The following KBTBD8 variants were observed in gnomAD, a reference collection of about 807,000 sequenced individuals.
The protein encoded by KBTBD8 is kelch repeat and BTB domain containing 8.
Under a neutral mutation model 53.5 loss-of-function variants are expected in KBTBD8, and 31 were observed. That is an observed-to-expected ratio of 0.58 (90% CI 0.44 to 0.78). The LOEUF (loss-of-function observed/expected upper bound fraction) is 0.78, where lower values mean the gene tolerates loss of function less well. Ranked by LOEUF, KBTBD8 falls within the 30% of genes least tolerant of loss-of-function variation. The pLI is 0.00. For missense variants in KBTBD8, 642 were observed against 735.8 expected (o/e 0.87, Z 1.48); for synonymous variants, 250 against 247.3 (o/e 1.01, Z -0.10).
intron 2 of KBTBD8, 83 bp downstream of exon 2, chr3:66,999,274 G>T: frequency 9.5e-7 from 1 of 1,056,930 alleles, no homozygotes; most frequent in Non-Finnish European, 1.5e-6. Flanking sequence ...TGTTTATATT[G>T]AGATGCGATA....
At chr3:66,998,848 C>A in intron 1 of KBTBD8, 133 bp from the exon 2 acceptor site, 1 of 696,128 alleles carries the variant, frequency 1.4e-6, no homozygotes, top group Non-Finnish European at 2.5e-6. Context: ...CGAGGTCGTG[C>A]GTATATCCAC....
intron 1 of KBTBD8, among the ~76,000 whole-genome samples, chr3:66,998,639 G>C (rs949466291): frequency 6.6e-6 from 1 of 152,122 alleles, no homozygotes; most frequent in East Asian, 1.9e-4. Flanking sequence ...GGCCGCCGTT[G>C]TTCGAGCTTC....
intron 2 of KBTBD8, among the ~76,000 whole-genome samples, chr3:67,001,418 A>G (rs1340042157): frequency 6.6e-6 from 1 of 152,206 alleles, no homozygotes; most frequent in East Asian, 1.9e-4. Context: ...TGTGTGAGGA[A>G]GTGCCCTGGC....
chr3:67,003,892 A>G lies in KBTBD8; in HGVS notation c.925A>G (p.Ile309Val). 1 of 1,614,178 alleles carries G rather than the reference A, an allele frequency of 6.2e-7. No homozygotes were observed. The change falls in exon 3 of 4, where the codon ATA becomes GTA. Residue 309 changes from isoleucine (I) to valine (V), a missense_variant. Ile to Val is a conservative substitution (Grantham distance 29). Transcript: ENST00000417314. ...GKKQTVPCLD[I>V]VTGRVFKLCK... The stretch of plus-strand genomic sequence containing the variant: ...GAAGCAAACAGTGCCTTGTCTAGAT[A>G]TAGTCACAGGAAGGGTGTTTAAACT...
At chr3:67,002,792 C>T (rs1417765708) in intron 2 of KBTBD8, among the ~76,000 whole-genome samples, 2 of 152,082 alleles carry the variant, frequency 1.3e-5, no homozygotes, top group African/African-American at 4.8e-5. Flanking sequence ...TGAGCCACCA[C>T]ACCGGGCCAG....
At chr3:67,000,974 T>G (rs1356891554) in intron 2 of KBTBD8, among the ~76,000 whole-genome samples, 1 of 152,072 alleles carries the variant, frequency 6.6e-6, no homozygotes, top group African/African-American at 2.4e-5. Flanking sequence ...CACCTTGCAG[T>G]TTCATTTTTT....
chr3:67,005,166 T>C (rs1702054468), intron 3 of KBTBD8, among the ~76,000 whole-genome samples: 1 of 152,204 alleles, frequency 6.6e-6, no homozygotes, highest in Non-Finnish European at 1.5e-5. Context: ...TTTAGTTGCT[T>C]GAATGTTTAA....
chr3:66,998,315 A>G lies in KBTBD8; in HGVS notation c.-41A>G. 7.8e-7 allele frequency: 1 copy of G among 1,287,596 alleles called. No homozygotes were observed. Among genetic ancestry groups the G allele is most frequent in the Non-Finnish European group, 9.9e-7 (1 of 1,008,650 alleles). 79.8% of individuals were successfully genotyped at this position (1,287,596 alleles called of 1,614,324 possible). Reference sequence around the variant, plus strand: ...CCGGGAGCTAGAGAAGCGAAATGACATTTCCTTTTTAAATAGCTGGAGTCG... The same window carrying G: ...CCGGGAGCTAGAGAAGCGAAATGACGTTTCCTTTTTAAATAGCTGGAGTCG... On this transcript the variant is annotated 5_prime_UTR_variant, in exon 1 of 4. Transcript: ENST00000417314.
At chr3:66,998,880 A>AG (rs1701988614) in intron 1 of KBTBD8, 101 bp from the exon 2 acceptor site, 1 of 866,714 alleles carries the variant, frequency 1.2e-6, no homozygotes, top group African/African-American at 1.7e-5. Context: ...TATATCTTGT[A>AG]GGGGGAAAAA....
intron 2 of KBTBD8, among the ~76,000 whole-genome samples, chr3:67,000,709 T>C (rs1277304010): frequency 2.0e-5 from 3 of 152,012 alleles, no homozygotes; most frequent in Non-Finnish European, 2.9e-5. Context: ...TGCATTTGAA[T>C]AGTAAAAACA....
intron 3 of KBTBD8, among the ~76,000 whole-genome samples, chr3:67,007,460 A>C (rs62259071): frequency 6.6e-6 from 1 of 151,964 alleles, no homozygotes; most frequent in African/African-American, 2.4e-5. Flanking sequence ...CTGGAATTAC[A>C]GGTGCCTGCC....
At chr3:67,002,691 G>A (rs1455205687) in intron 2 of KBTBD8, among the ~76,000 whole-genome samples, 1 of 151,666 alleles carries the variant, frequency 6.6e-6, no homozygotes, top group African/African-American at 2.4e-5. Flanking sequence ...AGTAGAGATG[G>A]GGTTTCACCG....
Position 67,003,853 on chromosome 3 carries a change from A to G in KBTBD8, c.886A>G (p.Lys296Glu). The change falls in exon 3 of 4, where the codon AAA becomes GAA. Residue 296 changes from lysine to glutamate, a missense_variant. By Grantham distance (56) the Lys-to-Glu change is moderately conservative (BLOSUM62 1). Coordinates refer to ENST00000417314, the MANE Select transcript of KBTBD8 (RefSeq NM_032505.3). ...EMIICFDAAH[K>E]HSGKKQTVPC... is the part of the protein sequence containing the mutation. ...GATCATATGTTTTGATGCTGCCCAC[A>G]AACACTCAGGAAAGAAGCAAACAGT... 1 of 1,614,236 alleles carries G rather than the reference A, an allele frequency of 6.2e-7. No homozygotes were observed. Among genetic ancestry groups the G allele is most frequent in the East Asian group, 2.2e-5 (1 of 44,890 alleles).
chr3:67,005,682 CT>C (rs1342996688), intron 3 of KBTBD8, among the ~76,000 whole-genome samples: 42 of 144,038 alleles, frequency 2.9e-4, no homozygotes, highest in Admixed American at 4.9e-4. Context: ...CTTTCTTTCT[CT>C]TTTTTTTTTT....
At chr3:67,006,342 T>C (rs2106761101) in intron 3 of KBTBD8, among the ~76,000 whole-genome samples, 1 of 152,260 alleles carries the variant, frequency 6.6e-6, no homozygotes, top group Middle Eastern at 3.4e-3. Context: ...ATTATTAACA[T>C]CATTTAATTT....
chr3:67,003,774 A>T lies in KBTBD8; in HGVS notation c.807A>T (p.Gly269=), dbSNP rs759483035. 6.2e-7 allele frequency: 1 copy of T among 1,614,148 alleles called. No homozygotes were observed. The highest frequency in any genetic ancestry group is 2.2e-5 in the East Asian group (1 of 44,886). The change falls in exon 3 of 4, where the codon GGA becomes GGT. Residue 269 remains glycine (G), a synonymous_variant. Transcript: ENST00000417314. ...QAIAKSCVEK[G]PSNTNGCTQR... ...TAGCCAAAAGCTGTGTAGAAAAGGG[A>T]CCATCCAACACCAATGGCTGTACAC... is the stretch of plus-strand genomic sequence containing the variant.
rs776838659 is a variant in KBTBD8, at chr3:67,003,489, C to T, written c.522C>T (p.Tyr174=). The change falls in exon 3 of 4, where the codon TAC becomes TAT. Residue 174 remains tyrosine (Y), a synonymous_variant. Transcript: ENST00000417314. ...AACTCGGAGATCGATCAAAAGAATA[C>T]ATTCGTAAAAAGTTTCTGTGTGTCA... ...HQELGDRSKE[Y]IRKKFLCVTK... 3.7e-6 allele frequency: 6 copies of T among 1,613,966 alleles called. No individual in the cohort carries two copies. The African/African-American group carries it at 8.0e-5, about 22-fold the overall frequency.
Position 66,999,177 on chromosome 3 carries a change from C to T in KBTBD8, c.213C>T (p.Ile71=). ...FSCHRNVLAA[I]SPYFRSMFTS... ...GTCATAGAAACGTTCTTGCTGCAAT[C>T]AGCCCTTACTTCAGGTATGATGATG... Residue 71 remains isoleucine (I), a synonymous_variant, in exon 2 of 4, where the codon ATC becomes ATT. Coordinates refer to ENST00000417314, the MANE Select transcript of KBTBD8 (RefSeq NM_032505.3). The T allele has an allele frequency of 6.2e-7, 1 of 1,614,080 alleles. No individual in the cohort carries two copies. Among genetic ancestry groups the T allele is most frequent in the Non-Finnish European group, 8.5e-7 (1 of 1,179,918 alleles).
intron 2 of KBTBD8, among the ~76,000 whole-genome samples, chr3:67,002,447 G>C (rs1043348434): frequency 6.7e-6 from 1 of 150,044 alleles, no homozygotes; most frequent in Non-Finnish European, 1.5e-5. Flanking sequence ...ACCAGGACAT[G>C]AAAAGTTTTT....
Sources: allele counts gnomAD v4.1 joint callset (sites outside exome capture counted in the v4.1 genomes callset), GRCh38; gene constraint gnomAD v4.1.1; transcripts MANE v1.5; gene names NCBI Gene and HGNC (gene_info 2026-07-23, HGNC 2026-07-21).